The following CUL4A variants were observed in gnomAD, a reference collection of about 807,000 sequenced individuals.
CUL4A encodes cullin 4A.
CUL4A carries 16 observed loss-of-function variants against 95.5 expected under a neutral mutation model. The ratio of observed to expected loss-of-function variants is 0.17; its 90% CI spans 0.11 to 0.25. The LOEUF is 0.25. CUL4A is among the 10% of genes least tolerant of loss of function. The pLI is 1.00. For missense variants in CUL4A, 610 were observed against 937.0 expected, an observed-to-expected ratio of 0.65 and a Z score of 4.56; for synonymous variants, 380 against 353.1, an observed-to-expected ratio of 1.08 and a Z score of -0.85.
intron 2 of CUL4A, among the ~76,000 whole-genome samples, chr13:113,215,750 A>T (rs1170979588): frequency 1.4e-5 from 1 of 73,406 alleles, no homozygotes; most frequent in East Asian, 3.2e-4. Context: ...GTGTGGCTGT[A>T]GAGGTCGCTG....
chr13:113,230,536 G>A (rs779814154), intron 5 of CUL4A, among the ~76,000 whole-genome samples: 2 of 152,180 alleles, frequency 1.3e-5, no homozygotes, highest in Non-Finnish European at 2.9e-5. Context: ...GCACAGAAAA[G>A]ACAGCCTGTG....
intron 4 of CUL4A, among the ~76,000 whole-genome samples, chr13:113,229,127 A>G (rs1036660169): frequency 6.6e-6 from 1 of 152,136 alleles, no homozygotes; most frequent in Admixed American, 6.5e-5. Context: ...TCAAGACAAA[A>G]AAAAGAAAAA....
chr13:113,209,587 C>T, upstream of CUL4A: 3 of 971,768 alleles, frequency 3.1e-6, no homozygotes, highest in African/African-American at 1.8e-5. Flanking sequence ...GCTCGGCGGG[C>T]GGCGGCGCTC....
chr13:113,233,688 A>T (rs981410539), intron 6 of CUL4A, among the ~76,000 whole-genome samples: 2 of 152,226 alleles, frequency 1.3e-5, no homozygotes, highest in Admixed American at 1.3e-4. Context: ...TCTTTAGAGC[A>T]ATAGGACCCC....
intron 2 of CUL4A, among the ~76,000 whole-genome samples, chr13:113,215,627 CTG>C (rs1019206224): frequency 1.1e-4 from 16 of 146,354 alleles, no homozygotes; most frequent in African/African-American, 3.3e-4. Context: ...GTGGAGATCT[CTG>C]TGTGACTATG....
rs117659725 is a variant in CUL4A at position 113,226,832 on chromosome 13, G to T, written c.369-1144G>T. 2.7e-3 allele frequency among the ~76,000 whole-genome samples: 411 copies of T among 152,312 alleles called. 5 individuals carry two copies. Among genetic ancestry groups the T allele is most frequent in the Non-Finnish European group, 3.8e-3 (259 of 68,028 alleles). On this transcript the variant is annotated intron_variant, in intron 3 of 19. Coordinates refer to ENST00000375440, the MANE Select transcript of CUL4A (RefSeq NM_001008895.4). ...GACCACGTGTTCAAGACCAGCCTAGGAGTATAGTGAGGTGCCATCTCTTTT... is the reference window on the plus strand; with the variant it reads ...GACCACGTGTTCAAGACCAGCCTAGTAGTATAGTGAGGTGCCATCTCTTTT...
In CUL4A at chr13:113,265,386, T is replaced by A. The variant is rs1595444924; in HGVS notation, c.*1804T>A. 6.6e-6 allele frequency: 1 copy of A among 152,256 alleles called. No homozygotes were observed. Among genetic ancestry groups the A allele is most frequent in the Non-Finnish European group, 1.5e-5 (1 of 68,068 alleles). 9.4% of individuals were successfully genotyped at this position (152,256 alleles called of 1,614,324 possible). ...CCATAGGGAGATCCTGTTTCCATTT[T>A]AGTTTATTTATTTTTAATTGAGGTG... On this transcript the variant is annotated 3_prime_UTR_variant, in exon 20 of 20. Coordinates refer to ENST00000375440, the MANE Select transcript of CUL4A (RefSeq NM_001008895.4).
At chr13:113,217,400 A>G (rs1412477561) in intron 2 of CUL4A, among the ~76,000 whole-genome samples, 1 of 152,228 alleles carries the variant, frequency 6.6e-6, no homozygotes, top group Admixed American at 6.5e-5. Context: ...CTATAGTAAG[A>G]CAAAATGTAG....
chr13:113,232,064 A>ACTG (rs768828143), intron 5 of CUL4A, among the ~76,000 whole-genome samples: 3 of 86,416 alleles, frequency 3.5e-5, no homozygotes, highest in Non-Finnish European at 5.1e-5. Context: ...CACCACCATT[A>ACTG]CTGTCACCAC....
chr13:113,228,880 G>A (rs2041205097), intron 4 of CUL4A, among the ~76,000 whole-genome samples: 1 of 152,082 alleles, frequency 6.6e-6, no homozygotes, highest in Admixed American at 6.5e-5. Context: ...CAGCTCTTTG[G>A]GAGGCCGAGG....
At chr13:113,208,293 C>T, upstream of CUL4A, 1 of 1,431,934 alleles carries the variant, frequency 7.0e-7, no homozygotes, top group East Asian at 2.5e-5. Context: ...CGCCTGGGAG[C>T]GCGGCCACAC....
Position 113,209,782 on chromosome 13 carries a change from G to T in CUL4A, c.148+7G>T. The T allele has an allele frequency of 8.5e-7, 1 of 1,178,048 alleles. No individual in the cohort carries two copies. Among genetic ancestry groups the T allele is most frequent in the Non-Finnish European group, 1.0e-6 (1 of 953,362 alleles). The allele number at this position is 1,178,048 out of a possible 1,614,324, so 73.0% of individuals were successfully genotyped here. ...GTCATCAAGAACTTCCGAGGTGGGT[G>T]CGGCGGCCGGGTCGAGGGCCAGGCG... On this transcript the variant is annotated splice_region_variant and intron_variant, in intron 1 of 19. Coordinates refer to ENST00000375440, the MANE Select transcript of CUL4A (RefSeq NM_001008895.4).
chr13:113,248,965 A>C (rs1045964567), intron 15 of CUL4A, among the ~76,000 whole-genome samples: 1 of 152,180 alleles, frequency 6.6e-6, no homozygotes, highest in African/African-American at 2.4e-5. Flanking sequence ...ACCCATGGAC[A>C]CAGAAGGCCA....
At position 113,236,819 on chromosome 13, in the gene CUL4A, A is replaced by G. The variant is rs1449389607; in HGVS notation, c.849-4A>G. On this transcript the variant is annotated splice_polypyrimidine_tract_variant and splice_region_variant and intron_variant, in intron 8 of 19. Transcript: ENST00000375440. ...CTAACGCTTATTCTTTTTACCTTATATAGGAAACCACTGATTGCTTGTGTG... is the reference window on the plus strand; with the variant it reads ...CTAACGCTTATTCTTTTTACCTTATGTAGGAAACCACTGATTGCTTGTGTG... 5 of 1,599,432 alleles carry G rather than the reference A, an allele frequency of 3.1e-6. No homozygotes were observed. Among genetic ancestry groups the G allele is most frequent in the Admixed American group, 1.7e-5 (1 of 59,030 alleles).
In CUL4A at chr13:113,209,746, C is replaced by A; in HGVS notation, c.119C>A (p.Ser40Tyr). 8.5e-7 allele frequency: 1 copy of A among 1,174,094 alleles called. No individual in the cohort carries two copies. Among genetic ancestry groups the A allele is most frequent in the East Asian group, 3.7e-5 (1 of 26,990 alleles). The allele number at this position is 1,174,094 out of a possible 1,614,324, so 72.7% of individuals were successfully genotyped here. ...APAKPGGAGG[S>Y]KKLVIKNFRD... Reference sequence around the variant, plus strand: ...GCCAAGCCGGGGGGCGCGGGCGGCTCCAAGAAGCTGGTCATCAAGAACTTC... The same window carrying A: ...GCCAAGCCGGGGGGCGCGGGCGGCTACAAGAAGCTGGTCATCAAGAACTTC... The change falls in exon 1 of 20, where the codon TCC (serine) becomes TAC (tyrosine). Residue 40 changes from serine to tyrosine, a missense_variant. By Grantham distance (144) the Ser-to-Tyr change is moderately radical (BLOSUM62 -2). Around this residue, in one of 10 missense-constraint regions of CUL4A, gnomAD observed 168 missense variants for 185.5 expected, o/e 0.91. Coordinates refer to ENST00000375440, the MANE Select transcript of CUL4A (RefSeq NM_001008895.4).
chr13:113,261,759 G>A (rs1435552462), intron 19 of CUL4A, among the ~76,000 whole-genome samples: 3 of 69,264 alleles, frequency 4.3e-5, no homozygotes, highest in Middle Eastern at 6.7e-3. Context: ...GCAGACCAGG[G>A]CGCCCGCTCT....
At chr13:113,236,772 G>GTCTCTTCTT in intron 8 of CUL4A, 51 bp from the exon 9 acceptor site, 1 of 1,249,998 alleles carries the variant, frequency 8.0e-7, no homozygotes, top group East Asian at 2.3e-5. Flanking sequence ...CAGAGAACCA[G>GTCTCTTCTT]TCTCTTCTTT....
At chr13:113,210,119 C>G in intron 2 of CUL4A, 31 bp downstream of exon 2, 1 of 1,396,902 alleles carries the variant, frequency 7.2e-7, no homozygotes, top group Non-Finnish European at 9.5e-7. Context: ...GGGGACGCCG[C>G]TCCTGCCCCG....
intron 9 of CUL4A, among the ~76,000 whole-genome samples, chr13:113,238,313 A>T (rs977995907): frequency 6.6e-6 from 1 of 151,998 alleles, no homozygotes; most frequent in Non-Finnish European, 1.5e-5. Flanking sequence ...TTAAAGCCAC[A>T]GGTGGTGCAT....
Sources: gnomAD v4.1 joint callset for allele counts (sites outside exome capture counted in the v4.1 genomes callset) on GRCh38, gnomAD v4.1.1 for gene constraint, gnomAD v4.1.1 regional missense constraint, MANE v1.5 for transcripts, NCBI Gene and HGNC (gene_info 2026-07-23, HGNC 2026-07-21) for gene names.